FAM169A: variants seen among roughly 807,000 people sequenced by gnomAD.
FAM169A encodes family with sequence similarity 169 member A, also known as soluble lamin-associated protein of 75 kDa.
A neutral mutation model predicts 75.7 loss-of-function variants in FAM169A; 24 were observed. The observed-to-expected ratio is 0.32, with a 90% CI of 0.23 to 0.45. The LOEUF (loss-of-function observed/expected upper bound fraction) is 0.45. FAM169A is among the 20% of genes least tolerant of loss of function. The pLI is 1.00. For missense variants in FAM169A, 673 were observed against 784.0 expected, an observed-to-expected ratio of 0.86 and a Z score of 1.69; for synonymous variants, 271 against 271.0, an observed-to-expected ratio of 1.00 and a Z score of 0.00.
At chr5:74,850,788 T>C (rs538301818) in intron 1 of FAM169A, among the ~76,000 whole-genome samples, 25 of 152,314 alleles carry the variant, frequency 1.6e-4, no homozygotes, top group East Asian at 1.9e-4. Flanking sequence ...AGATGAATAA[T>C]GCAGTGTTTT....
At chr5:74,831,275 T>C (rs1268157153) in intron 5 of FAM169A, among the ~76,000 whole-genome samples, 2 of 152,318 alleles carry the variant, frequency 1.3e-5, no homozygotes, top group East Asian at 3.9e-4. Flanking sequence ...AAAATCTCTT[T>C]GATACTAATG....
At chr5:74,839,522 ATTT>A (rs200682932) in intron 3 of FAM169A, among the ~76,000 whole-genome samples, 3 of 130,804 alleles carry the variant, frequency 2.3e-5, no homozygotes, top group African/African-American at 2.9e-5. Context: ...TCAATTTTTA[ATTT>A]TTTTTTTTTT....
chr5:74,803,695 T>C (rs1265501231), intron 8 of FAM169A, among the ~76,000 whole-genome samples: 1 of 152,188 alleles, frequency 6.6e-6, no homozygotes, highest in African/African-American at 2.4e-5. Flanking sequence ...ACATCAGTTC[T>C]AGAAAAGGAC....
intron 1 of FAM169A, among the ~76,000 whole-genome samples, chr5:74,847,399 T>A (rs556220845): frequency 1.3e-5 from 2 of 152,220 alleles, no homozygotes; most frequent in South Asian, 4.2e-4. Flanking sequence ...TCCTTTTGTG[T>A]CACGTTTATG....
intron 5 of FAM169A, among the ~76,000 whole-genome samples, chr5:74,818,430 G>T (rs1747580818): frequency 6.6e-6 from 1 of 152,050 alleles, no homozygotes; most frequent in African/African-American, 2.4e-5. Flanking sequence ...AAATGTTCAG[G>T]AATTAGATAG....
At chr5:74,810,054 C>G (rs994805438) in intron 6 of FAM169A, among the ~76,000 whole-genome samples, 6 of 151,738 alleles carry the variant, frequency 4.0e-5, no homozygotes, top group African/African-American at 1.5e-4. Flanking sequence ...TCATAATAGC[C>G]AAGAAAGGAA....
chr5:74,824,919 T>C (rs1448463044), intron 5 of FAM169A, among the ~76,000 whole-genome samples: 4 of 152,082 alleles, frequency 2.6e-5, no homozygotes, highest in Non-Finnish European at 5.9e-5. Flanking sequence ...CTTAAATACA[T>C]TCACACACCC....
At chr5:74,799,177 C>G in intron 10 of FAM169A, 1 of 1,149,426 alleles carries the variant, frequency 8.7e-7, no homozygotes, top group Admixed American at 1.7e-5. Flanking sequence ...TGACTGGGCT[C>G]CCAAGCATGA....
chr5:74,866,605 C>A (rs553917168), upstream of FAM169A: 1 of 655,066 alleles, frequency 1.5e-6, no homozygotes, highest in South Asian at 6.8e-5. Flanking sequence ...CCTCTCTCCG[C>A]CCCGGCCGCC....
At chr5:74,846,991 C>A (rs1186928305) in intron 1 of FAM169A, among the ~76,000 whole-genome samples, 5 of 152,162 alleles carry the variant, frequency 3.3e-5, no homozygotes, top group African/African-American at 9.7e-5. Context: ...GTTGTCCAAA[C>A]CTCAGTAATT....
intron 4 of FAM169A, among the ~76,000 whole-genome samples, chr5:74,836,011 T>C (rs1748555296): frequency 6.6e-6 from 1 of 152,200 alleles, no homozygotes. Context: ...CTAACACAAT[T>C]TGGGGTACTC....
At chr5:74,820,013 T>TTTTTG (rs1580124506) in intron 5 of FAM169A, among the ~76,000 whole-genome samples, 1 of 148,160 alleles carries the variant, frequency 6.7e-6, no homozygotes, top group Non-Finnish European at 1.5e-5. Context: ...TTTTTTTTTT[T>TTTTTG]GAGGCAGAGT....
chr5:74,839,529 T>C (rs1249103685), intron 3 of FAM169A, among the ~76,000 whole-genome samples: 3 of 151,128 alleles, frequency 2.0e-5, no homozygotes, highest in Non-Finnish European at 4.4e-5. Context: ...TTAATTTTTT[T>C]TTTTTTTTTT....
upstream of FAM169A, chr5:74,866,422 C>T (rs1750352743): frequency 3.1e-6 from 3 of 960,870 alleles, no homozygotes; most frequent in Non-Finnish European, 3.7e-6. Flanking sequence ...GCTTCCGCTC[C>T]GCGCCCGCGC....
At chr5:74,788,133 C>T (rs1023203940) in intron 11 of FAM169A, among the ~76,000 whole-genome samples, 7 of 152,108 alleles carry the variant, frequency 4.6e-5, no homozygotes, top group Non-Finnish European at 5.9e-5. Flanking sequence ...ACGTTGATTC[C>T]GGGGGACCCA....
intron 5 of FAM169A, among the ~76,000 whole-genome samples, chr5:74,832,999 C>A (rs1748393822): frequency 6.6e-6 from 1 of 151,820 alleles, no homozygotes; most frequent in Admixed American, 6.6e-5. Flanking sequence ...GGCTAGGTGC[C>A]AGAGAAGGAG....
intron 1 of FAM169A, among the ~76,000 whole-genome samples, chr5:74,850,393 T>G (rs1161995080): frequency 2.0e-5 from 3 of 152,208 alleles, no homozygotes; most frequent in African/African-American, 7.2e-5. Context: ...CAACTCAAGG[T>G]TTAATTCTCT....
At chr5:74,857,172 G>T (rs1056206379) in intron 1 of FAM169A, among the ~76,000 whole-genome samples, 3 of 149,468 alleles carry the variant, frequency 2.0e-5, no homozygotes, top group Non-Finnish European at 3.0e-5. Context: ...AGAAGGCCAA[G>T]AGGGCAAAGG....
chr5:74,859,767 C>T (rs1371512297), intron 1 of FAM169A, among the ~76,000 whole-genome samples: 1 of 152,060 alleles, frequency 6.6e-6, no homozygotes, highest in Non-Finnish European at 1.5e-5. Flanking sequence ...CCTATAATCC[C>T]AGCACTTTGG....
Sources: allele counts gnomAD v4.1 joint callset (sites outside exome capture counted in the v4.1 genomes callset), GRCh38; gene constraint gnomAD v4.1.1; transcripts MANE v1.5; gene names NCBI Gene and HGNC (gene_info 2026-07-23, HGNC 2026-07-21).